CTNND2: variants seen among roughly 807,000 people sequenced by gnomAD.
The protein encoded by CTNND2 is catenin delta-2.
A neutral mutation model predicts 144.4 loss-of-function variants in CTNND2; 22 were observed. The ratio of observed to expected loss-of-function variants is 0.15; its 90% CI spans 0.11 to 0.22. CTNND2 has a LOEUF of 0.22. Among genes scored for constraint, CTNND2 ranks in the 10% least tolerant of loss-of-function variants. The pLI, the probability that CTNND2 is intolerant of heterozygous loss-of-function variation, is 1.00. For missense variants in CTNND2, 1,353 were observed against 1,618.8 expected (o/e 0.84, Z 2.82); for synonymous variants, 751 against 695.6 (o/e 1.08, Z -1.25).
chr5:11,497,514 G>T (rs1271545908), intron 3 of CTNND2, among the ~76,000 whole-genome samples: 2 of 86,560 alleles, frequency 2.3e-5, no homozygotes, highest in African/African-American at 4.5e-5. Context: ...TGATGTGCGG[G>T]GGGGTGGGGG....
At chr5:11,624,854 T>C (rs568672509) in intron 2 of CTNND2, among the ~76,000 whole-genome samples, 1 of 152,194 alleles carries the variant, frequency 6.6e-6, no homozygotes, top group African/African-American at 2.4e-5. Context: ...CCTATACATT[T>C]ATTCCATATA....
chr5:11,488,601 T>C (rs1475528796), intron 3 of CTNND2, among the ~76,000 whole-genome samples: 1 of 152,218 alleles, frequency 6.6e-6, no homozygotes, highest in Non-Finnish European at 1.5e-5. Context: ...TTTTGGTATA[T>C]GGTTTTGTGA....
intron 2 of CTNND2, among the ~76,000 whole-genome samples, chr5:11,616,210 C>T (rs1168778023): frequency 2.0e-5 from 3 of 152,270 alleles, no homozygotes; most frequent in East Asian, 1.9e-4. Context: ...GCCATTTTCT[C>T]GCTACAAAAA....
At chr5:11,210,974 G>T (rs1738567602) in intron 10 of CTNND2, among the ~76,000 whole-genome samples, 1 of 152,264 alleles carries the variant, frequency 6.6e-6, no homozygotes, top group African/African-American at 2.4e-5. Context: ...GAAAACTGGA[G>T]GCGGCTTTAC....
chr5:11,447,667 T>C (rs1764944452), intron 3 of CTNND2, among the ~76,000 whole-genome samples: 1 of 152,120 alleles, frequency 6.6e-6, no homozygotes, highest in Non-Finnish European at 1.5e-5. Flanking sequence ...AGGGAGAATC[T>C]GGATGGCCTG....
chr5:11,326,265 C>T (rs995469491), intron 9 of CTNND2, among the ~76,000 whole-genome samples: 14 of 152,128 alleles, frequency 9.2e-5, no homozygotes, highest in East Asian at 3.8e-4. Context: ...CTTTGGTCAA[C>T]GAATCTATTT....
At chr5:11,153,082 G>T (rs990837444) in intron 12 of CTNND2, among the ~76,000 whole-genome samples, 1 of 152,080 alleles carries the variant, frequency 6.6e-6, no homozygotes, top group Non-Finnish European at 1.5e-5. Context: ...TGGCCAACAC[G>T]GTGAAACCCC....
chr5:11,425,123 G>C (rs964181965), intron 3 of CTNND2, among the ~76,000 whole-genome samples: 1 of 152,102 alleles, frequency 6.6e-6, no homozygotes, highest in African/African-American at 2.4e-5. Flanking sequence ...ATGTTCTCAG[G>C]GAAAATTAAA....
At chr5:11,529,563 T>C (rs1301319169) in intron 3 of CTNND2, among the ~76,000 whole-genome samples, 1 of 152,222 alleles carries the variant, frequency 6.6e-6, no homozygotes, top group East Asian at 1.9e-4. Flanking sequence ...CATGGGAAGA[T>C]AATCAAATAA....
intron 8 of CTNND2, among the ~76,000 whole-genome samples, chr5:11,354,871 T>G (rs868441314): frequency 9.2e-5 from 14 of 152,214 alleles, no homozygotes; most frequent in South Asian, 4.1e-4. Flanking sequence ...CTTAACAAAT[T>G]TAAGAAGACA....
At chr5:11,512,479 T>C (rs904158721) in intron 3 of CTNND2, among the ~76,000 whole-genome samples, 3 of 152,242 alleles carry the variant, frequency 2.0e-5, no homozygotes, top group Admixed American at 6.5e-5. Flanking sequence ...CAAATTCCCA[T>C]GCATCTTGAT....
At chr5:11,889,541 C>G (rs753915993) in intron 1 of CTNND2, among the ~76,000 whole-genome samples, 1 of 152,186 alleles carries the variant, frequency 6.6e-6, no homozygotes, top group African/African-American at 2.4e-5. Flanking sequence ...TCAAGCATTT[C>G]TGTGTGCAGG....
intron 1 of CTNND2, among the ~76,000 whole-genome samples, chr5:11,799,168 A>G (rs371231296): frequency 8.5e-5 from 13 of 152,284 alleles, no homozygotes; most frequent in African/African-American, 3.1e-4. Flanking sequence ...TAAATCATCC[A>G]TCACATATTT....
intron 1 of CTNND2, among the ~76,000 whole-genome samples, chr5:11,771,174 A>G (rs1230973804): frequency 6.9e-6 from 1 of 144,092 alleles, no homozygotes; most frequent in Non-Finnish European, 1.5e-5. Context: ...TAGCTCTATC[A>G]TGAACCCACA....
intron 2 of CTNND2, among the ~76,000 whole-genome samples, chr5:11,721,237 C>T (rs908374455): frequency 1.3e-5 from 2 of 152,034 alleles, no homozygotes; most frequent in African/African-American, 2.4e-5. Flanking sequence ...TTTATAATTC[C>T]ATTTACATAA....
chr5:11,126,710 A>G (rs1388360122), intron 12 of CTNND2, among the ~76,000 whole-genome samples: 2 of 152,212 alleles, frequency 1.3e-5, no homozygotes, highest in Non-Finnish European at 2.9e-5. Context: ...CTAGATATAC[A>G]ACAGAAAACA....
intron 1 of CTNND2, among the ~76,000 whole-genome samples, chr5:11,752,303 T>G (rs1788668088): frequency 6.6e-6 from 1 of 151,910 alleles, no homozygotes; most frequent in South Asian, 2.1e-4. Context: ...TACAATTTCC[T>G]AGGTTATCAT....
chr5:11,897,000 C>T (rs957602187), intron 1 of CTNND2, among the ~76,000 whole-genome samples: 1 of 152,174 alleles, frequency 6.6e-6, no homozygotes, highest in Non-Finnish European at 1.5e-5. Context: ...CTGCATCAAC[C>T]TTCCATGTCC....
intron 2 of CTNND2, among the ~76,000 whole-genome samples, chr5:11,689,862 G>A (rs770622762): frequency 1.1e-4 from 17 of 152,044 alleles, no homozygotes; most frequent in Non-Finnish European, 2.2e-4. Context: ...AGTGCACATC[G>A]TAACACAGCA....
Sources: gnomAD v4.1 joint callset for allele counts (sites outside exome capture counted in the v4.1 genomes callset) on GRCh38, gnomAD v4.1.1 for gene constraint, MANE v1.5 for transcripts, NCBI Gene and HGNC (gene_info 2026-07-23, HGNC 2026-07-21) for gene names.